The following KCTD8 variants were observed in gnomAD, a reference collection of about 807,000 sequenced individuals.
The protein encoded by KCTD8 is potassium channel tetramerization domain containing 8.
In KCTD8, 27 loss-of-function variants were observed where a neutral mutation model predicts 31.5. The observed-to-expected ratio is 0.86, with a 90% CI of 0.63 to 1.18. The LOEUF (loss-of-function observed/expected upper bound fraction) is 1.18. KCTD8 is among the 50% of genes most tolerant of loss of function. The pLI is 0.00. For synonymous variants in KCTD8, 290 were observed against 280.0 expected (o/e 1.04, Z -0.36); for missense variants, 658 against 647.7 (o/e 1.02, Z -0.17).
At chr4:44,179,325 A>T (rs1261499455) in intron 1 of KCTD8, among the ~76,000 whole-genome samples, 1 of 151,878 alleles carries the variant, frequency 6.6e-6, no homozygotes, top group Non-Finnish European at 1.5e-5. Flanking sequence ...ACAGTGTTTG[A>T]AATGCTTGGG....
chr4:44,199,133 G>A (rs1249433601), intron 1 of KCTD8, among the ~76,000 whole-genome samples: 1 of 152,054 alleles, frequency 6.6e-6, no homozygotes, highest in Admixed American at 6.6e-5. Context: ...CAACAGTGGA[G>A]CACCCAGATT....
intron 1 of KCTD8, among the ~76,000 whole-genome samples, chr4:44,259,608 T>C (rs1462605094): frequency 1.3e-5 from 2 of 151,990 alleles, no homozygotes; most frequent in African/African-American, 4.8e-5. Context: ...TAATTTCTTA[T>C]AGTCTGTATA....
intron 1 of KCTD8, among the ~76,000 whole-genome samples, chr4:44,253,217 T>G (rs1254652437): frequency 6.6e-6 from 1 of 151,870 alleles, no homozygotes; most frequent in East Asian, 1.9e-4. Context: ...TCTCCTTATT[T>G]CTTGTTTAAT....
chr4:44,258,551 T>C (rs1226395982), intron 1 of KCTD8, among the ~76,000 whole-genome samples: 1 of 151,914 alleles, frequency 6.6e-6, no homozygotes, highest in South Asian at 2.1e-4. Flanking sequence ...GTGTACCTAT[T>C]TGTATATTTG....
chr4:44,177,076 G>T (rs1713239058), intron 1 of KCTD8, among the ~76,000 whole-genome samples: 1 of 152,138 alleles, frequency 6.6e-6, no homozygotes, highest in African/African-American at 2.4e-5. Context: ...GCCTCTCTCT[G>T]TCAGGGAGAG....
chr4:44,339,190 C>T (rs1199755088), intron 1 of KCTD8, among the ~76,000 whole-genome samples: 1 of 152,112 alleles, frequency 6.6e-6, no homozygotes, highest in Non-Finnish European at 1.5e-5. Context: ...AAAATACAAT[C>T]TTTGGAGTCA....
At chr4:44,310,326 A>G (rs1220609707) in intron 1 of KCTD8, among the ~76,000 whole-genome samples, 1 of 152,100 alleles carries the variant, frequency 6.6e-6, no homozygotes. Context: ...AGGCCAAGAA[A>G]CACTAAGTAT....
chr4:44,277,945 TAA>T (rs1716797747), intron 1 of KCTD8, among the ~76,000 whole-genome samples: 1 of 151,940 alleles, frequency 6.6e-6, no homozygotes, highest in African/African-American at 2.4e-5. Flanking sequence ...GAAATAACAA[TAA>T]GTTTATGCAG....
chr4:44,242,118 G>A (rs1002116323), intron 1 of KCTD8, among the ~76,000 whole-genome samples: 4 of 152,092 alleles, frequency 2.6e-5, no homozygotes, highest in Admixed American at 2.0e-4. Flanking sequence ...ATTTCCTCAT[G>A]AAGCAAAACT....
intron 1 of KCTD8, among the ~76,000 whole-genome samples, chr4:44,266,942 A>G (rs1444665052): frequency 1.3e-5 from 2 of 151,968 alleles, no homozygotes; most frequent in African/African-American, 2.4e-5. Flanking sequence ...CACAATAATA[A>G]TGGGAGACTT....
chr4:44,316,503 G>A, intron 1 of KCTD8, among the ~76,000 whole-genome samples: 1 of 151,876 alleles, frequency 6.6e-6, no homozygotes, highest in Non-Finnish European at 1.5e-5. Context: ...AACGTACTAT[G>A]TTAACAAGTG....
intron 1 of KCTD8, among the ~76,000 whole-genome samples, chr4:44,267,342 C>G (rs1317130329): frequency 1.3e-5 from 2 of 152,120 alleles, no homozygotes; most frequent in Admixed American, 1.3e-4. Flanking sequence ...TTCTTTGAAA[C>G]CAATGAGAAC....
At chr4:44,414,297 C>G (rs1721023392) in intron 1 of KCTD8, among the ~76,000 whole-genome samples, 1 of 152,058 alleles carries the variant, frequency 6.6e-6, no homozygotes, top group African/African-American at 2.4e-5. Context: ...AAAGTATACT[C>G]TTCTCAGGCA....
At chr4:44,274,699 A>G (rs576110912) in intron 1 of KCTD8, among the ~76,000 whole-genome samples, 18 of 152,062 alleles carry the variant, frequency 1.2e-4, no homozygotes, top group African/African-American at 4.3e-4. Context: ...ATGAGAGTTT[A>G]AAGTCTAGAC....
chr4:44,349,071 G>GCCACCACCACCACCACCACCACCACCA (rs200999276), intron 1 of KCTD8, among the ~76,000 whole-genome samples: 7 of 136,702 alleles, frequency 5.1e-5, no homozygotes, highest in South Asian at 2.3e-4. Flanking sequence ...CGCTGCCACC[G>GCCACCACCACCACCACCACCACCACCA]CCACCACCAC....
chr4:44,189,990 T>A (rs1713714007), intron 1 of KCTD8, among the ~76,000 whole-genome samples: 1 of 152,188 alleles, frequency 6.6e-6, no homozygotes, highest in African/African-American at 2.4e-5. Context: ...GATACTTTGA[T>A]AATACCTCAA....
At chr4:44,262,839 A>G (rs1174368847) in intron 1 of KCTD8, among the ~76,000 whole-genome samples, 1 of 152,184 alleles carries the variant, frequency 6.6e-6, no homozygotes, top group Non-Finnish European at 1.5e-5. Context: ...TGAATAATGT[A>G]ACAGCATATT....
intron 1 of KCTD8, among the ~76,000 whole-genome samples, chr4:44,214,974 G>T (rs1346573785): frequency 6.6e-6 from 1 of 152,144 alleles, no homozygotes; most frequent in East Asian, 1.9e-4. Flanking sequence ...TGACAAATCA[G>T]CTGGCATCAT....
rs1721589860 is a variant in KCTD8, at chr4:44,434,358, A to G, written c.961+13205T>C. Among the ~76,000 whole-genome samples, 5 of 151,892 alleles carry G rather than the reference A, an allele frequency of 3.3e-5. No individual in the cohort carries two copies. In the South Asian group the frequency reaches 1.0e-3, roughly 31 times the overall value. On this transcript the variant is annotated intron_variant, in intron 1 of 1. Coordinates refer to ENST00000360029, the MANE Select transcript of KCTD8 (RefSeq NM_198353.3). ...TGCTTTCTATGCGTCATATCATTTA[A>G]TCCTTGGGGCAACTCTCTGAAATAT...
Sources: allele counts gnomAD v4.1 joint callset (sites outside exome capture counted in the v4.1 genomes callset), GRCh38; gene constraint gnomAD v4.1.1; transcripts MANE v1.5; gene names NCBI Gene and HGNC (gene_info 2026-07-23, HGNC 2026-07-21).